The following ARHGEF28 variants were observed in gnomAD, a reference collection of about 807,000 sequenced individuals.
The protein encoded by ARHGEF28 is Rho guanine nucleotide exchange factor 28.
ARHGEF28 carries 152 observed loss-of-function variants against 206.6 expected under a neutral mutation model. The ratio of observed to expected loss-of-function variants is 0.74; its 90% CI spans 0.64 to 0.84. The LOEUF is 0.84. Ranked by LOEUF, ARHGEF28 falls within the 40% of genes least tolerant of loss-of-function variation. ARHGEF28 has a pLI of 0.00. For missense variants in ARHGEF28, 2,028 were observed against 2,073.2 expected, an observed-to-expected ratio of 0.98 and a Z score of 0.42; for synonymous variants, 763 against 776.4, an observed-to-expected ratio of 0.98 and a Z score of 0.29.
chr5:73,861,558 G>A (rs1028839952), intron 16 of ARHGEF28, among the ~76,000 whole-genome samples: 6 of 152,176 alleles, frequency 3.9e-5, no homozygotes, highest in African/African-American at 1.4e-4. Flanking sequence ...TCAGCCTCCT[G>A]AGTCGCTGGG....
chr5:73,664,731 A>G (rs368464397), intron 1 of ARHGEF28, among the ~76,000 whole-genome samples: 1 of 151,792 alleles, frequency 6.6e-6, no homozygotes, highest in Non-Finnish European at 1.5e-5. Flanking sequence ...GCAAGTAGCA[A>G]CTCCCTTGAT....
chr5:73,751,224 A>T (rs1329393556), intron 3 of ARHGEF28, among the ~76,000 whole-genome samples: 1 of 152,220 alleles, frequency 6.6e-6, no homozygotes, highest in Non-Finnish European at 1.5e-5. Flanking sequence ...AGCCTGGCCA[A>T]CGTGGGGAAA....
intron 9 of ARHGEF28, among the ~76,000 whole-genome samples, chr5:73,805,875 CTTT>C (rs1755405310): frequency 1.3e-5 from 2 of 151,990 alleles, no homozygotes; most frequent in African/African-American, 4.8e-5. Context: ...CCCGTTTTTT[CTTT>C]TTAAGTGAGT....
intron 1 of ARHGEF28, among the ~76,000 whole-genome samples, chr5:73,645,465 C>A (rs904531368): frequency 1.3e-5 from 2 of 152,128 alleles, no homozygotes; most frequent in Non-Finnish European, 2.9e-5. Flanking sequence ...TGAGAAAATA[C>A]CATACTCTGA....
At chr5:73,649,436 A>G (rs1744655007) in intron 1 of ARHGEF28, among the ~76,000 whole-genome samples, 1 of 152,302 alleles carries the variant, frequency 6.6e-6, no homozygotes, top group Non-Finnish European at 1.5e-5. Flanking sequence ...ACTCATTTGT[A>G]TTCTGAGTAT....
intron 1 of ARHGEF28, among the ~76,000 whole-genome samples, chr5:73,644,533 A>G (rs1744316029): frequency 6.6e-6 from 1 of 152,136 alleles, no homozygotes. Flanking sequence ...AGCCCTGATA[A>G]TCTTCAGTCC....
rs986796960 is a variant in ARHGEF28 at position 73,694,083 on chromosome 5, C to T, written c.33+9199C>T. Among the ~76,000 whole-genome samples the T allele has an allele frequency of 3.3e-5, 5 of 152,210 alleles. No homozygotes were observed. The South Asian group carries it at 8.3e-4, about 25-fold the overall frequency. ...AAAGCTTCTCAGACTTTAGCAAAACCTTTGACTTACAAACATTTTACAAAT... is the reference window on the plus strand; with the variant it reads ...AAAGCTTCTCAGACTTTAGCAAAACTTTTGACTTACAAACATTTTACAAAT... On this transcript the variant is annotated intron_variant, in intron 2 of 35. Coordinates refer to ENST00000513042, the MANE Select transcript of ARHGEF28 (RefSeq NM_001177693.2).
chr5:73,898,282 G>C (rs939727370), intron 30 of ARHGEF28, 189 bp downstream of exon 30: 9 of 607,742 alleles, frequency 1.5e-5, no homozygotes, highest in Non-Finnish European at 2.3e-5. Flanking sequence ...AATGACACTG[G>C]GGTTTCAAGT....
chr5:73,815,474 T>C (rs1332850688), intron 9 of ARHGEF28, among the ~76,000 whole-genome samples: 2 of 152,204 alleles, frequency 1.3e-5, no homozygotes, highest in African/African-American at 4.8e-5. Flanking sequence ...TTGGAGTGAA[T>C]ATTATCAGTT....
chr5:73,815,599 A>G (rs1756156172), intron 9 of ARHGEF28, among the ~76,000 whole-genome samples: 1 of 152,126 alleles, frequency 6.6e-6, no homozygotes, highest in African/African-American at 2.4e-5. Context: ...TTAGTTTTGT[A>G]TTTATGTGGC....
intron 29 of ARHGEF28, among the ~76,000 whole-genome samples, chr5:73,897,252 C>A (rs1346527611): frequency 9.8e-5 from 15 of 152,318 alleles, no homozygotes; most frequent in Non-Finnish European, 1.9e-4. Context: ...TCTAATAATG[C>A]TGATGGAGAT....
chr5:73,842,352 G>A (rs540062894), intron 11 of ARHGEF28, among the ~76,000 whole-genome samples: 1 of 152,256 alleles, frequency 6.6e-6, no homozygotes, highest in South Asian at 2.1e-4. Context: ...AATATAGAGG[G>A]GAGAGAAAGG....
chr5:73,885,474 ATTTTTTT>A (rs747988864), intron 24 of ARHGEF28, among the ~76,000 whole-genome samples: 1 of 138,032 alleles, frequency 7.2e-6, no homozygotes, highest in Non-Finnish European at 1.6e-5. Context: ...ATAGGATTTA[ATTTTTTT>A]TTTTTTTTTC....
At chr5:73,927,424 G>A (rs1357566389) in intron 35 of ARHGEF28, among the ~76,000 whole-genome samples, 1 of 152,138 alleles carries the variant, frequency 6.6e-6, no homozygotes, top group Non-Finnish European at 1.5e-5. Flanking sequence ...TTGTCAGGAA[G>A]CACAGATATC....
intron 1 of ARHGEF28, among the ~76,000 whole-genome samples, chr5:73,631,530 T>A (rs1276079571): frequency 6.6e-6 from 1 of 152,218 alleles, no homozygotes; most frequent in Non-Finnish European, 1.5e-5. Context: ...ATCTCTCAAG[T>A]GGACCTGGCA....
intron 14 of ARHGEF28, among the ~76,000 whole-genome samples, chr5:73,857,003 G>A (rs907623658): frequency 4.6e-5 from 7 of 152,150 alleles, no homozygotes; most frequent in South Asian, 2.1e-4. Flanking sequence ...GAAAATAAAC[G>A]GTGTTCAGGG....
At chr5:73,858,561 A>G (rs1177151376) in intron 16 of ARHGEF28, among the ~76,000 whole-genome samples, 1 of 152,170 alleles carries the variant, frequency 6.6e-6, no homozygotes, top group Non-Finnish European at 1.5e-5. Context: ...AAACTTTTGG[A>G]GTACATCTTT....
chr5:73,909,520 G>A lies in ARHGEF28; in HGVS notation c.4270G>A (p.Asp1424Asn). 6.2e-7 allele frequency: 1 copy of A among 1,605,308 alleles called. No individual in the cohort carries two copies. Among genetic ancestry groups the A allele is most frequent in the Non-Finnish European group, 8.5e-7 (1 of 1,175,996 alleles). Reference sequence around the variant, plus strand: ...TATCCTCCGAGGCGGCCCCTTGCAGGACCAGAAGTCTCGCGACGCGGACAG... The same window carrying A: ...TATCCTCCGAGGCGGCCCCTTGCAGAACCAGAAGTCTCGCGACGCGGACAG... ...HSILRGGPLQ[D>N]QKSRDADRQH... Residue 1424 changes from aspartate (D) to asparagine (N), a missense_variant, in exon 34 of 36, where the codon GAC becomes AAC. Coordinates refer to ENST00000513042, the MANE Select transcript of ARHGEF28 (RefSeq NM_001177693.2).
chr5:73,835,586 G>A (rs774856048), intron 10 of ARHGEF28, among the ~76,000 whole-genome samples: 4 of 152,006 alleles, frequency 2.6e-5, no homozygotes, highest in Non-Finnish European at 4.4e-5. Flanking sequence ...TGCCCCTTCC[G>A]GAGTTCCTTG....
Sources: allele counts gnomAD v4.1 joint callset (sites outside exome capture counted in the v4.1 genomes callset), GRCh38; gene constraint gnomAD v4.1.1; transcripts MANE v1.5; gene names NCBI Gene and HGNC (gene_info 2026-07-23, HGNC 2026-07-21).